DTD1: variants seen among roughly 807,000 people sequenced by gnomAD.
DTD1 encodes the protein D-tyrosyl-tRNA deacylase 1 homolog.
DTD1 carries 13 observed loss-of-function variants against 25.6 expected under a neutral mutation model. The ratio of observed to expected loss-of-function variants is 0.51; its 90% CI spans 0.33 to 0.81. The LOEUF (loss-of-function observed/expected upper bound fraction) is 0.81, where lower values mean the gene tolerates loss of function less well. Among genes scored for constraint, DTD1 ranks in the 30% least tolerant of loss-of-function variants. DTD1 has a pLI of 0.02. For synonymous variants in DTD1, 110 were observed against 103.6 expected (o/e 1.06, Z -0.37); for missense variants, 193 against 266.4 (o/e 0.72, Z 1.92).
chr20:18,681,349 G>A (rs7274641), intron 4 of DTD1, among the ~76,000 whole-genome samples: 16 of 152,324 alleles, frequency 1.1e-4, no homozygotes, highest in African/African-American at 3.6e-4. Context: ...ATTATAATGT[G>A]AAAATCAGAT....
intron 5 of DTD1, among the ~76,000 whole-genome samples, chr20:18,753,621 A>AAAAAAAAAAAAAAAT: frequency 6.6e-6 from 1 of 150,950 alleles, no homozygotes; most frequent in African/African-American, 2.4e-5. Flanking sequence ...AAAAAAAAAA[A>AAAAAAAAAAAAAAAT]AGACGTTGAT....
intron 4 of DTD1, among the ~76,000 whole-genome samples, chr20:18,652,243 T>G (rs1387422836): frequency 6.6e-6 from 1 of 152,238 alleles, no homozygotes; most frequent in Non-Finnish European, 1.5e-5. Flanking sequence ...TTAAGTGCAC[T>G]TCTAGGCATT....
At chr20:18,753,565 G>C (rs569069001) in intron 5 of DTD1, among the ~76,000 whole-genome samples, 43 of 122,542 alleles carry the variant, frequency 3.5e-4, no homozygotes, top group African/African-American at 1.3e-3. Context: ...CTGAGATCGC[G>C]CCACTGCACT....
At chr20:18,720,690 C>A (rs6045569) in intron 4 of DTD1, among the ~76,000 whole-genome samples, 1 of 151,554 alleles carries the variant, frequency 6.6e-6, no homozygotes, top group Non-Finnish European at 1.5e-5. Flanking sequence ...TCCCTCTCTA[C>A]AAAAAAAACA....
At chr20:18,701,530 C>G (rs536177777) in intron 4 of DTD1, among the ~76,000 whole-genome samples, 4 of 152,306 alleles carry the variant, frequency 2.6e-5, no homozygotes, top group Admixed American at 1.3e-4. Context: ...CAGGTAGGAG[C>G]AACAGAATGC....
chr20:18,634,996 T>C (rs1279777403), intron 4 of DTD1, among the ~76,000 whole-genome samples: 1 of 152,224 alleles, frequency 6.6e-6, no homozygotes, highest in Non-Finnish European at 1.5e-5. Context: ...CATCTCTTCA[T>C]GGAAGAACAG....
chr20:18,596,876 G>A (rs1489851655), intron 3 of DTD1, among the ~76,000 whole-genome samples: 1 of 151,748 alleles, frequency 6.6e-6, no homozygotes, highest in Non-Finnish European at 1.5e-5. Flanking sequence ...CCACTAGAGT[G>A]GTGCATTTGT....
Position 18,696,970 on chromosome 20 carries a change from T to C in DTD1, c.478-47130T>C, listed in dbSNP as rs554812422. ...TAAAGCAGCCAGGTGCAGTGGCTCATGCCTGTAATCCCAGGACTTTGGGTG... is the reference window on the plus strand; with the variant it reads ...TAAAGCAGCCAGGTGCAGTGGCTCACGCCTGTAATCCCAGGACTTTGGGTG... On this transcript the variant is annotated intron_variant, in intron 4 of 5. Coordinates refer to ENST00000377452, the MANE Select transcript of DTD1 (RefSeq NM_080820.6). Among the ~76,000 whole-genome samples, 36 of 151,838 alleles carry C rather than the reference T, an allele frequency of 2.4e-4. No homozygotes were observed. The East Asian group carries it at 3.5e-3, about 15-fold the overall frequency.
chr20:18,607,158 G>C (rs540560955), intron 3 of DTD1, among the ~76,000 whole-genome samples: 1 of 152,166 alleles, frequency 6.6e-6, no homozygotes, highest in Non-Finnish European at 1.5e-5. Context: ...TTGCTATTTT[G>C]TTGAGGATTT....
At chr20:18,741,897 ATTTTTTT>A (rs57912866) in intron 4 of DTD1, among the ~76,000 whole-genome samples, 4,939 of 88,546 alleles carry the variant, frequency 0.056, 132 homozygotes, top group African/African-American at 0.13. Flanking sequence ...TAACCTTTGT[ATTTTTTT>A]TTTTTTTTTT....
At chr20:18,748,736 G>T (rs572283596) in intron 5 of DTD1, among the ~76,000 whole-genome samples, 1 of 152,178 alleles carries the variant, frequency 6.6e-6, no homozygotes, top group Non-Finnish European at 1.5e-5. Context: ...TCATGGACTC[G>T]TAGGTATCTA....
At chr20:18,755,442 C>G (rs2061335321) in intron 5 of DTD1, among the ~76,000 whole-genome samples, 1 of 152,130 alleles carries the variant, frequency 6.6e-6, no homozygotes, top group East Asian at 1.9e-4. Flanking sequence ...ACAACAGGCC[C>G]CAGTGTGTGA....
intron 4 of DTD1, among the ~76,000 whole-genome samples, chr20:18,743,629 G>A (rs1431520890): frequency 5.3e-5 from 7 of 132,958 alleles, no homozygotes; most frequent in South Asian, 2.3e-4. Context: ...AACTGTGACC[G>A]CACCACTGTA....
At chr20:18,761,846 G>A (rs1006189010) in intron 5 of DTD1, among the ~76,000 whole-genome samples, 1 of 152,208 alleles carries the variant, frequency 6.6e-6, no homozygotes, top group African/African-American at 2.4e-5. Context: ...TCCACACAAT[G>A]TAAGAACAAA....
At chr20:18,684,228 G>GGCT (rs1229530661) in intron 4 of DTD1, among the ~76,000 whole-genome samples, 13 of 152,150 alleles carry the variant, frequency 8.5e-5, no homozygotes, top group Non-Finnish European at 1.6e-4. Context: ...CTGCATGATG[G>GGCT]GCTCCCAGGA....
chr20:18,726,196 T>C (rs1333784111), intron 4 of DTD1, among the ~76,000 whole-genome samples: 2 of 152,222 alleles, frequency 1.3e-5, no homozygotes, highest in Non-Finnish European at 2.9e-5. Flanking sequence ...GAATCATTGA[T>C]TGAACCTAAA....
chr20:18,724,214 G>T (rs2061215542), intron 4 of DTD1, among the ~76,000 whole-genome samples: 1 of 152,190 alleles, frequency 6.6e-6, no homozygotes, highest in African/African-American at 2.4e-5. Flanking sequence ...CCGTAGGAAG[G>T]ACCTGGCTGT....
At position 18,610,881 on chromosome 20, in the gene DTD1, C is replaced by T. The variant is rs377152288; in HGVS notation, c.370+14640C>T. On this transcript the variant is annotated intron_variant, in intron 3 of 5. Coordinates refer to ENST00000377452, the MANE Select transcript of DTD1 (RefSeq NM_080820.6). ...GAGCTGAGATGGTGCTGCTGCACTC[C>T]AGCCTGGGTGACAGAGCGAGACCCT... 7.9e-5 allele frequency among the ~76,000 whole-genome samples: 6 copies of T among 75,756 alleles called. No homozygotes were observed. In the East Asian group the frequency reaches 3.2e-3, roughly 40 times the overall value. The allele number at this position is 75,756 out of a possible 152,430, so 49.7% of individuals were successfully genotyped here. A position where few individuals can be genotyped will look rare whatever the true frequency, so the allele number is the denominator to read the frequency against.
intron 4 of DTD1, among the ~76,000 whole-genome samples, chr20:18,683,403 T>C (rs2061004864): frequency 6.6e-6 from 1 of 152,208 alleles, no homozygotes. Flanking sequence ...GTATTTCAGA[T>C]TTCAAGATTA....
Sources: gnomAD v4.1 joint callset for allele counts (sites outside exome capture counted in the v4.1 genomes callset) on GRCh38, gnomAD v4.1.1 for gene constraint, MANE v1.5 for transcripts, NCBI Gene and HGNC (gene_info 2026-07-23, HGNC 2026-07-21) for gene names.